The following EXOC4 variants were observed in gnomAD, a reference collection of about 807,000 sequenced individuals.
The protein encoded by EXOC4 is SEC8-like 1.
In EXOC4, 71 loss-of-function variants were observed where a neutral mutation model predicts 107.2. The ratio of observed to expected loss-of-function variants is 0.66; its 90% CI spans 0.55 to 0.81. The LOEUF is 0.81. EXOC4 is among the 30% of genes least tolerant of loss of function. EXOC4 has a pLI of 0.00. For missense variants in EXOC4, 1,108 were observed against 1,189.6 expected (o/e 0.93, Z 1.01); for synonymous variants, 456 against 441.2 (o/e 1.03, Z -0.42).
chr7:133,886,796 T>C (rs1468767913), intron 11 of EXOC4, among the ~76,000 whole-genome samples: 1 of 152,202 alleles, frequency 6.6e-6, no homozygotes, highest in African/African-American at 2.4e-5. Flanking sequence ...AAAAACAGGA[T>C]TGACCTTGTT....
intron 1 of EXOC4, among the ~76,000 whole-genome samples, chr7:133,268,637 A>G (rs1300949587): frequency 6.6e-6 from 1 of 152,198 alleles, no homozygotes; most frequent in East Asian, 1.9e-4. Flanking sequence ...TACAGAGGCT[A>G]GTATGAAAAT....
chr7:133,919,027 A>G (rs1362233764), intron 13 of EXOC4, among the ~76,000 whole-genome samples: 1 of 152,164 alleles, frequency 6.6e-6, no homozygotes, highest in Non-Finnish European at 1.5e-5. Flanking sequence ...ATTTTTATGA[A>G]CTTTTTATTA....
intron 7 of EXOC4, among the ~76,000 whole-genome samples, chr7:133,400,463 C>T (rs1013925855): frequency 3.9e-5 from 6 of 152,162 alleles, no homozygotes; most frequent in Admixed American, 6.5e-5. Flanking sequence ...TCTATAGTGA[C>T]CAGTTATTTG....
intron 9 of EXOC4, among the ~76,000 whole-genome samples, chr7:133,524,927 A>T (rs1183489535): frequency 6.6e-6 from 1 of 152,104 alleles, no homozygotes; most frequent in Non-Finnish European, 1.5e-5. Context: ...TTATATAGAG[A>T]TCCAAGCATA....
At chr7:133,291,188 C>A (rs1053760731) in intron 3 of EXOC4, among the ~76,000 whole-genome samples, 13 of 151,986 alleles carry the variant, frequency 8.6e-5, no homozygotes, top group Non-Finnish European at 1.8e-4. Context: ...TTGTAAGACA[C>A]ATTTTCCGGA....
intron 7 of EXOC4, among the ~76,000 whole-genome samples, chr7:133,401,486 C>T (rs188546655): frequency 6.6e-6 from 1 of 151,582 alleles, no homozygotes; most frequent in Admixed American, 6.6e-5. Flanking sequence ...TATACTGAGA[C>T]CCCCTTCTCT....
At chr7:134,039,136 C>A (rs891521349) in intron 17 of EXOC4, among the ~76,000 whole-genome samples, 1 of 152,080 alleles carries the variant, frequency 6.6e-6, no homozygotes, top group East Asian at 1.9e-4. Context: ...TGAAAGATTG[C>A]TATATGAGGC....
intron 5 of EXOC4, among the ~76,000 whole-genome samples, chr7:133,354,116 T>C (rs988187964): frequency 1.3e-5 from 2 of 152,068 alleles, no homozygotes; most frequent in Non-Finnish European, 2.9e-5. Context: ...TCTTAATATA[T>C]CTACCATTAA....
intron 5 of EXOC4, among the ~76,000 whole-genome samples, chr7:133,317,686 C>G (rs1446131270): frequency 6.6e-6 from 1 of 151,484 alleles, no homozygotes; most frequent in Non-Finnish European, 1.5e-5. Flanking sequence ...TTCTTTCTTT[C>G]TTTCTTTTTT....
chr7:133,549,289 T>C (rs2150939775), intron 9 of EXOC4, among the ~76,000 whole-genome samples: 1 of 152,236 alleles, frequency 6.6e-6, no homozygotes, highest in East Asian at 1.9e-4. Context: ...ACCACGCCCG[T>C]CCTCTAGCTT....
At chr7:134,067,634 T>TACACACACACACACAC (rs375285410), downstream of EXOC4, among the ~76,000 whole-genome samples, 8 of 133,756 alleles carry the variant, frequency 6.0e-5, no homozygotes, top group African/African-American at 1.1e-4. Context: ...CTTATATATA[T>TACACACACACACACAC]ATATACACAC....
intron 10 of EXOC4, among the ~76,000 whole-genome samples, chr7:133,728,547 A>G (rs1047324694): frequency 2.6e-5 from 4 of 152,090 alleles, no homozygotes; most frequent in South Asian, 2.1e-4. Flanking sequence ...AAATGGTTGT[A>G]TTTGCTGGTA....
Position 133,734,201 on chromosome 7 carries a change from C to T in EXOC4, c.1515-83124C>T, listed in dbSNP as rs150153529. On this transcript the variant is annotated intron_variant, in intron 10 of 17. Coordinates refer to ENST00000253861, the MANE Select transcript of EXOC4 (RefSeq NM_021807.4). ...TTCATTGTATCCTTGGGACAGCTTC[C>T]GTTAGCAGCCCAGAGTGAGAGTTGG... Among the ~76,000 whole-genome samples the T allele has an allele frequency of 2.2e-3, 342 of 152,284 alleles. 3 individuals are homozygous for T. Among genetic ancestry groups the T allele is most frequent in the African/African-American group, 7.7e-3 (320 of 41,558 alleles).
chr7:133,951,535 T>C (rs561129934), intron 14 of EXOC4, among the ~76,000 whole-genome samples: 66 of 152,212 alleles, frequency 4.3e-4, no homozygotes, highest in Non-Finnish European at 8.4e-4. Flanking sequence ...TTGCCCATAG[T>C]GGTACTCAAC....
At chr7:133,453,745 T>C (rs1221453146) in intron 7 of EXOC4, among the ~76,000 whole-genome samples, 1 of 152,148 alleles carries the variant, frequency 6.6e-6, no homozygotes, top group Non-Finnish European at 1.5e-5. Context: ...CTTGGTTAAT[T>C]ACTTCTGTTT....
intron 13 of EXOC4, among the ~76,000 whole-genome samples, chr7:133,932,357 A>T (rs1411523276): frequency 6.6e-6 from 1 of 152,190 alleles, no homozygotes; most frequent in East Asian, 1.9e-4. Context: ...AGTAGGAGAG[A>T]TACTGATTTT....
chr7:133,779,779 C>G (rs1161934814), intron 10 of EXOC4, among the ~76,000 whole-genome samples: 2 of 151,996 alleles, frequency 1.3e-5, no homozygotes, highest in African/African-American at 2.4e-5. Context: ...CCAATCAGCA[C>G]ACTGTAAAAT....
intron 2 of EXOC4, among the ~76,000 whole-genome samples, chr7:133,281,691 ACTTTT>A (rs1242493292): frequency 2.7e-5 from 4 of 146,848 alleles, no homozygotes; most frequent in Non-Finnish European, 4.5e-5. Context: ...CAAATTCAGT[ACTTTT>A]CTTTTCTATT....
chr7:133,723,251 T>G (rs766387158), intron 10 of EXOC4, among the ~76,000 whole-genome samples: 7 of 152,238 alleles, frequency 4.6e-5, no homozygotes, highest in Non-Finnish European at 7.3e-5. Context: ...AAGTCTGCTG[T>G]GCTGCAGCTG....
Sources: gnomAD v4.1 joint callset for allele counts (sites outside exome capture counted in the v4.1 genomes callset) on GRCh38, gnomAD v4.1.1 for gene constraint, MANE v1.5 for transcripts, NCBI Gene and HGNC (gene_info 2026-07-23, HGNC 2026-07-21) for gene names.